Variants in ABCA13 observed in about 807,000 individuals in gnomAD.
ABCA13 encodes the protein ATP binding cassette subfamily A member 13.
In ABCA13, 476 loss-of-function variants were observed where a neutral mutation model predicts 478.7. The ratio of observed to expected loss-of-function variants is 0.99; its 90% CI spans 0.92 to 1.07. The LOEUF is 1.07. Among genes scored for constraint, ABCA13 ranks in the 50% least tolerant of loss-of-function variants. ABCA13 has a pLI of 0.00. For synonymous variants in ABCA13, 2,252 were observed against 2,158.9 expected, an observed-to-expected ratio of 1.04 and a Z score of -1.20; for missense variants, 6,060 against 5,910.6, an observed-to-expected ratio of 1.03 and a Z score of -0.83.
intron 36 of ABCA13, among the ~76,000 whole-genome samples, 167 bp from the exon 37 acceptor site, chr7:48,388,873 T>TTA: frequency 6.6e-6 from 1 of 152,330 alleles, no homozygotes; most frequent in Non-Finnish European, 1.5e-5. Context: ...ATGTTTGCCA[T>TTA]TATATAGTCT....
At chr7:48,587,118 A>G (rs374126043) in intron 56 of ABCA13, 36 bp from the exon 57 acceptor site, 1 of 1,610,932 alleles carries the variant, frequency 6.2e-7, no homozygotes, top group African/African-American at 1.3e-5. Context: ...CACTTTGGTG[A>G]ATGCTGGTGT....
In ABCA13 at chr7:48,403,737, G is replaced by C; in HGVS notation, c.11928G>C (p.Leu3976=). The C allele has an allele frequency of 3.1e-6, 5 of 1,614,028 alleles. No homozygotes were observed. Among genetic ancestry groups the C allele is most frequent in the Non-Finnish European group, 4.2e-6 (5 of 1,179,886 alleles). Residue 3976 remains leucine (L), a synonymous_variant, in exon 39 of 62, where the codon CTG becomes CTC. Coordinates refer to ENST00000435803, the MANE Select transcript of ABCA13 (RefSeq NM_152701.5). ...TQHQHKQTRA[L]SGGLKRKLSL... ...ATCAGCACAAACAGACCCGAGCTCT[G>C]TCTGGAGGCCTGAAGAGGAAGCTCT...
intron 42 of ABCA13, among the ~76,000 whole-genome samples, chr7:48,443,637 C>T (rs915990134): frequency 6.6e-6 from 1 of 152,190 alleles, no homozygotes; most frequent in African/African-American, 2.4e-5. Flanking sequence ...AGTCTGCAGG[C>T]TCTATAGTAG....
intron 59 of ABCA13, among the ~76,000 whole-genome samples, chr7:48,621,875 T>A (rs983559785): frequency 2.6e-5 from 4 of 152,204 alleles, no homozygotes; most frequent in African/African-American, 4.8e-5. Context: ...ATCATGCTTT[T>A]CCTGGCTTCA....
intron 27 of ABCA13, among the ~76,000 whole-genome samples, chr7:48,319,568 G>A (rs998795490): frequency 3.9e-5 from 6 of 152,138 alleles, no homozygotes; most frequent in African/African-American, 1.4e-4. Flanking sequence ...TTAAGACGTG[G>A]TCTTTTTCTC....
chr7:48,192,829 G>T, intron 1 of ABCA13, 130 bp from the exon 2 acceptor site: 1 of 690,760 alleles, frequency 1.4e-6, no homozygotes, highest in South Asian at 1.8e-5. Flanking sequence ...GGCCTTGTCT[G>T]TGGGCTCCTG....
intron 55 of ABCA13, among the ~76,000 whole-genome samples, chr7:48,567,662 A>T (rs1787213089): frequency 6.6e-6 from 1 of 152,124 alleles, no homozygotes; most frequent in South Asian, 2.1e-4. Flanking sequence ...TTATAGTATT[A>T]GCATACATGT....
chr7:48,343,745 A>G (rs896388744), intron 29 of ABCA13, among the ~76,000 whole-genome samples: 2 of 152,052 alleles, frequency 1.3e-5, no homozygotes, highest in African/African-American at 4.8e-5. Flanking sequence ...CTTTTAAACT[A>G]AAGTCTTTAT....
intron 35 of ABCA13, among the ~76,000 whole-genome samples, chr7:48,380,512 C>T (rs377584028): frequency 2.6e-5 from 4 of 152,142 alleles, no homozygotes; most frequent in African/African-American, 7.2e-5. Context: ...TGAAACTGCA[C>T]GGAAACTTTG....
chr7:48,559,392 C>T (rs1408598934), intron 55 of ABCA13, among the ~76,000 whole-genome samples: 1 of 152,070 alleles, frequency 6.6e-6, no homozygotes, highest in African/African-American at 2.4e-5. Context: ...ATAAATGCTG[C>T]CAGGCCTGTG....
chr7:48,524,480 C>T, intron 54 of ABCA13, 40 bp downstream of exon 54: 3 of 1,537,774 alleles, frequency 2.0e-6, no homozygotes, highest in South Asian at 1.2e-5. Flanking sequence ...CTGTTGTGAA[C>T]CTGTACAACT....
At chr7:48,358,905 G>T (rs1350208628) in intron 31 of ABCA13, among the ~76,000 whole-genome samples, 1 of 151,980 alleles carries the variant, frequency 6.6e-6, no homozygotes. Context: ...TCTTGACAGT[G>T]CATCTCACCT....
intron 61 of ABCA13, among the ~76,000 whole-genome samples, 194 bp downstream of exon 61, chr7:48,644,948 G>T (rs2131707002): frequency 6.6e-6 from 1 of 152,204 alleles, no homozygotes; most frequent in East Asian, 1.9e-4. Context: ...ACTTAAGATA[G>T]ATATTCAGTA....
At chr7:48,621,640 A>G (rs1055323980) in intron 59 of ABCA13, among the ~76,000 whole-genome samples, 4 of 152,186 alleles carry the variant, frequency 2.6e-5, no homozygotes, top group Non-Finnish European at 4.4e-5. Flanking sequence ...AGTTCCTTAA[A>G]TTATTTTTTT....
intron 19 of ABCA13, among the ~76,000 whole-genome samples, chr7:48,286,549 G>A (rs972181747): frequency 1.3e-5 from 2 of 151,978 alleles, no homozygotes; most frequent in African/African-American, 4.8e-5. Context: ...CTGTCGCCCA[G>A]GCTGGAGTGC....
In ABCA13 at chr7:48,310,037, T is replaced by A. The variant is rs1239472618; in HGVS notation, c.9412T>A (p.Ser3138Thr). 1.2e-6 allele frequency: 2 copies of A among 1,613,894 alleles called. No homozygotes were observed. The highest frequency in any genetic ancestry group is 3.3e-5 in the Admixed American group (2 of 60,020). ...LLLTFPKGEK[S>T]WIAAEELCSL... ...GCTGACATTTCCCAAAGGGGAAAAA[T>A]CTTGGATCGCAGCGGAGGAACTCTG... is the stretch of plus-strand genomic sequence containing the variant. Residue 3138 changes from serine (S) to threonine (T), a missense_variant, in exon 24 of 62, where the codon TCT becomes ACT. Physicochemically the swap from Ser to Thr is moderately conservative, Grantham distance 58 (BLOSUM62 1). Around this residue, in one of 3 missense-constraint regions of ABCA13, gnomAD observed 4,423 missense variants for 4,309.1 expected, o/e 1.03. Transcript: ENST00000435803.
intron 40 of ABCA13, among the ~76,000 whole-genome samples, chr7:48,410,997 TTCTTTCTTTCTTTCTTTC>T (rs1818978261): frequency 9.6e-6 from 1 of 104,700 alleles, no homozygotes; most frequent in African/African-American, 3.5e-5. Flanking sequence ...CTTTCTTTCT[TTCTTTCTTTCTTTCTTTC>T]TTTCTTTCTT....
chr7:48,598,103 C>G (rs1428120170), intron 58 of ABCA13, among the ~76,000 whole-genome samples: 1 of 152,170 alleles, frequency 6.6e-6, no homozygotes, highest in Non-Finnish European at 1.5e-5. Context: ...CTATTCATCT[C>G]TCCCTCCTGC....
intron 3 of ABCA13, among the ~76,000 whole-genome samples, chr7:48,201,163 T>A (rs962086090): frequency 6.6e-6 from 1 of 152,236 alleles, no homozygotes; most frequent in African/African-American, 2.4e-5. Context: ...GGAGAACTCC[T>A]GAGTCATTCA....
Sources: allele counts gnomAD v4.1 joint callset (sites outside exome capture counted in the v4.1 genomes callset), GRCh38; gene constraint gnomAD v4.1.1; regional missense constraint gnomAD v4.1.1; transcripts MANE v1.5; gene names NCBI Gene and HGNC (gene_info 2026-07-23, HGNC 2026-07-21).